Variants in SOX6 observed in about 807,000 individuals in gnomAD.
SOX6 encodes transcription factor SOX-6.
A neutral mutation model predicts 97.8 loss-of-function variants in SOX6; 11 were observed. The observed-to-expected ratio is 0.11, with a 90% CI of 0.07 to 0.19. The LOEUF (loss-of-function observed/expected upper bound fraction) is 0.19, where lower values mean the gene tolerates loss of function less well. Among genes scored for constraint, SOX6 ranks in the 10% least tolerant of loss-of-function variants. The pLI is 1.00. For synonymous variants in SOX6, 360 were observed against 371.4 expected (o/e 0.97, Z 0.35); for missense variants, 810 against 1,039.5 (o/e 0.78, Z 3.04).
intron 3 of SOX6, among the ~76,000 whole-genome samples, chr11:16,307,939 T>C (rs920767419): frequency 7.2e-5 from 11 of 152,210 alleles, no homozygotes; most frequent in Non-Finnish European, 1.5e-4. Flanking sequence ...ATGGCATATA[T>C]TCTATTACTT....
chr11:16,634,257 A>C (rs1398956334), intron 3 of SOX6, among the ~76,000 whole-genome samples: 2 of 152,054 alleles, frequency 1.3e-5, no homozygotes, highest in African/African-American at 2.4e-5. Context: ...AACATAGTAA[A>C]ATAAAGGTGA....
intron 4 of SOX6, among the ~76,000 whole-genome samples, chr11:16,564,146 T>C (rs1015748534): frequency 1.3e-5 from 2 of 152,006 alleles, no homozygotes; most frequent in South Asian, 2.1e-4. Context: ...ATAAAAGAAA[T>C]GTTGAAACAT....
upstream of SOX6, among the ~76,000 whole-genome samples, chr11:16,479,386 C>T (rs530678744): frequency 2.0e-5 from 3 of 151,992 alleles, no homozygotes; most frequent in African/African-American, 7.2e-5. Flanking sequence ...AAAAATCAGC[C>T]GGGTGTGGTG....
intron 3 of SOX6, among the ~76,000 whole-genome samples, chr11:16,703,501 T>G (rs1324579243): frequency 6.6e-6 from 1 of 152,118 alleles, no homozygotes. Flanking sequence ...CTTCTTTAAA[T>G]TACAAAGACA....
chr11:16,584,502 A>G (rs1263650904), intron 4 of SOX6, among the ~76,000 whole-genome samples: 1 of 152,156 alleles, frequency 6.6e-6, no homozygotes, highest in Non-Finnish European at 1.5e-5. Flanking sequence ...TTAGATGGTG[A>G]ACACATAGAT....
chr11:16,241,621 G>C lies in SOX6; in HGVS notation c.446-6950C>G, dbSNP rs1336463649. On this transcript the variant is annotated intron_variant, in intron 3 of 15. Coordinates refer to ENST00000683767, the MANE Select transcript of SOX6 (RefSeq NM_001367873.1). ...TTTCTGACTGCTGTTGTCTTGATGA[G>C]AGTGGTCAATCATAGTTCTATGTTG... Among the ~76,000 whole-genome samples, 11 of 152,082 alleles carry C rather than the reference G, an allele frequency of 7.2e-5. No homozygotes were observed. In the East Asian group the frequency reaches 2.1e-3, roughly 29 times the overall value.
At chr11:16,550,254 G>A (rs1435035277) in intron 4 of SOX6, among the ~76,000 whole-genome samples, 1 of 152,038 alleles carries the variant, frequency 6.6e-6, no homozygotes, top group African/African-American at 2.4e-5. Flanking sequence ...CTCATAGGTG[G>A]GAAATGAACA....
chr11:16,044,958 GTCTA>G (rs889477462), intron 12 of SOX6, among the ~76,000 whole-genome samples: 11 of 139,748 alleles, frequency 7.9e-5, no homozygotes, highest in African/African-American at 2.5e-4. Context: ...CTATCTATCT[GTCTA>G]TCTGTCTATC....
intron 4 of SOX6, among the ~76,000 whole-genome samples, chr11:16,230,277 C>T (rs1445144608): frequency 7.1e-6 from 1 of 140,314 alleles, no homozygotes; most frequent in Non-Finnish European, 1.6e-5. Flanking sequence ...TTCTCTATTA[C>T]TTAATATTAT....
At chr11:16,057,726 G>C (rs1847854104) in intron 9 of SOX6, among the ~76,000 whole-genome samples, 1 of 152,038 alleles carries the variant, frequency 6.6e-6, no homozygotes, top group Non-Finnish European at 1.5e-5. Flanking sequence ...AATTATTTAG[G>C]AACTAATATT....
At chr11:16,132,034 T>C (rs1278685252) in intron 6 of SOX6, among the ~76,000 whole-genome samples, 4 of 151,766 alleles carry the variant, frequency 2.6e-5, no homozygotes, top group Non-Finnish European at 2.9e-5. Flanking sequence ...GTCATTTATA[T>C]ATCCATAAAG....
At chr11:16,081,910 A>C (rs1447605276) in intron 9 of SOX6, among the ~76,000 whole-genome samples, 1 of 152,182 alleles carries the variant, frequency 6.6e-6, no homozygotes, top group Non-Finnish European at 1.5e-5. Context: ...CATTATCGGC[A>C]TACAAAAGGA....
chr11:16,131,883 T>C (rs1391516927), intron 6 of SOX6, among the ~76,000 whole-genome samples: 1 of 152,004 alleles, frequency 6.6e-6, no homozygotes, highest in African/African-American at 2.4e-5. Context: ...AATATAGTGA[T>C]ATCAATGAAT....
rs375486281 is a variant in SOX6, at chr11:16,710,949, TC to T, written n.429+3880del. 4.6e-4 allele frequency among the ~76,000 whole-genome samples: 70 copies of T among 152,292 alleles called. No homozygotes were observed. The East Asian group carries it at 0.01, about 23-fold the overall frequency. On this transcript the variant is annotated intron_variant and non_coding_transcript_variant, in intron 3 of 5. Transcript: ENST00000524520. ...CCCATTTGGGTAAACAGAAAATTTGTCCATAAGTTGTTCAAGCCAGAAACCT... is the reference window on the plus strand; with the variant it reads ...CCCATTTGGGTAAACAGAAAATTTGTCATAAGTTGTTCAAGCCAGAAACCT...
intron 9 of SOX6, among the ~76,000 whole-genome samples, chr11:16,080,063 C>CTTT (rs1848439346): frequency 6.7e-6 from 1 of 149,718 alleles, no homozygotes; most frequent in Non-Finnish European, 1.5e-5. Flanking sequence ...GAAAATTGCA[C>CTTT]ATGTACCCTA....
At chr11:16,371,393 C>T (rs778818124) in intron 1 of SOX6, among the ~76,000 whole-genome samples, 7 of 152,026 alleles carry the variant, frequency 4.6e-5, no homozygotes, top group Non-Finnish European at 8.8e-5. Flanking sequence ...CTGGGTGCTC[C>T]CTATCCCCCT....
intron 13 of SOX6, among the ~76,000 whole-genome samples, chr11:16,004,671 C>T (rs1007833497): frequency 6.6e-6 from 1 of 151,906 alleles, no homozygotes; most frequent in African/African-American, 2.4e-5. Flanking sequence ...AACACTTTCA[C>T]AGTTTCCATT....
intron 3 of SOX6, among the ~76,000 whole-genome samples, chr11:16,257,222 A>G (rs1853721404): frequency 6.6e-6 from 1 of 151,902 alleles, no homozygotes; most frequent in Non-Finnish European, 1.5e-5. Context: ...TAAAGTTTCT[A>G]TGAAGAGGCA....
At chr11:16,201,207 G>A (rs902671804) in intron 4 of SOX6, among the ~76,000 whole-genome samples, 1 of 151,980 alleles carries the variant, frequency 6.6e-6, no homozygotes, top group Non-Finnish European at 1.5e-5. Context: ...AATGAAAGGA[G>A]GTGCTGTTAA....
Sources: gnomAD v4.1 joint callset for allele counts (sites outside exome capture counted in the v4.1 genomes callset) on GRCh38, gnomAD v4.1.1 for gene constraint, MANE v1.5 for transcripts, NCBI Gene and HGNC (gene_info 2026-07-23, HGNC 2026-07-21) for gene names.